Variants in SCAPER observed in about 807,000 individuals in gnomAD.
SCAPER encodes S phase cyclin A-associated protein in the endoplasmic reticulum.
SCAPER carries 98 observed loss-of-function variants against 182.2 expected under a neutral mutation model. That is an observed-to-expected ratio of 0.54 (90% CI 0.46 to 0.64). The LOEUF is 0.64. SCAPER is among the 30% of genes least tolerant of loss of function. SCAPER has a pLI of 0.00. For missense variants in SCAPER, 1,432 were observed against 1,690.0 expected (o/e 0.85, Z 2.68); for synonymous variants, 605 against 564.6 (o/e 1.07, Z -1.01).
intron 15 of SCAPER, among the ~76,000 whole-genome samples, chr15:76,743,297 G>A (rs1313173341): frequency 6.6e-6 from 1 of 152,046 alleles, no homozygotes; most frequent in African/African-American, 2.4e-5. Flanking sequence ...AACTGAAAAT[G>A]GTGACAACTG....
At chr15:76,415,783 A>G (rs1372222255) in intron 26 of SCAPER, among the ~76,000 whole-genome samples, 1 of 152,168 alleles carries the variant, frequency 6.6e-6, no homozygotes, top group Non-Finnish European at 1.5e-5. Flanking sequence ...AGTAAGGGGA[A>G]AAGATAGGGA....
chr15:76,567,272 T>C, intron 23 of SCAPER: 1 of 448,078 alleles, frequency 2.2e-6, no homozygotes, highest in South Asian at 1.6e-5. Flanking sequence ...GAACATACCA[T>C]AATTTGTATC....
chr15:76,373,414 A>G (rs1233462399), intron 29 of SCAPER, among the ~76,000 whole-genome samples: 1 of 152,172 alleles, frequency 6.6e-6, no homozygotes, highest in Admixed American at 6.5e-5. Flanking sequence ...AAAGCAATTT[A>G]ATAGGTTGAA....
chr15:76,900,101 G>A (rs1158019848), intron 1 of SCAPER, among the ~76,000 whole-genome samples: 4 of 152,082 alleles, frequency 2.6e-5, no homozygotes, highest in Non-Finnish European at 4.4e-5. Context: ...GATTAAGGGC[G>A]GCGCAAGATG....
At chr15:76,863,907 T>G (rs559776021) in intron 2 of SCAPER, among the ~76,000 whole-genome samples, 1 of 152,164 alleles carries the variant, frequency 6.6e-6, no homozygotes, top group East Asian at 1.9e-4. Flanking sequence ...AAGCCACAAG[T>G]AGAGAGACCA....
At chr15:76,723,044 C>T (rs1368723981) in intron 17 of SCAPER, among the ~76,000 whole-genome samples, 1 of 151,966 alleles carries the variant, frequency 6.6e-6, no homozygotes, top group African/African-American at 2.4e-5. Context: ...TAGATCTTTC[C>T]TGCTTTCTCT....
chr15:76,662,501 C>T (rs58265327), intron 21 of SCAPER, among the ~76,000 whole-genome samples: 1 of 151,768 alleles, frequency 6.6e-6, no homozygotes, highest in Non-Finnish European at 1.5e-5. Flanking sequence ...AGACTTTCTA[C>T]AAAGCTATAG....
intron 15 of SCAPER, among the ~76,000 whole-genome samples, chr15:76,750,983 CACTT>C (rs1415320980): frequency 1.3e-5 from 2 of 151,492 alleles, no homozygotes; most frequent in Non-Finnish European, 3.0e-5. Context: ...ATGTAGAAAA[CACTT>C]ACAGATTCCA....
chr15:76,530,427 G>A (rs1490949538), intron 23 of SCAPER, among the ~76,000 whole-genome samples: 1 of 152,146 alleles, frequency 6.6e-6, no homozygotes, highest in Non-Finnish European at 1.5e-5. Flanking sequence ...CAGTCACCCT[G>A]TAAACCATGT....
chr15:76,685,109 T>C (rs1298836551), intron 20 of SCAPER, among the ~76,000 whole-genome samples: 2 of 151,980 alleles, frequency 1.3e-5, no homozygotes, highest in Non-Finnish European at 2.9e-5. Context: ...TATGTCACTA[T>C]ACTAAAAGAT....
intron 8 of SCAPER, among the ~76,000 whole-genome samples, chr15:76,784,619 T>C (rs2064437865): frequency 6.6e-6 from 1 of 152,170 alleles, no homozygotes; most frequent in African/African-American, 2.4e-5. Context: ...GGCAACACAC[T>C]ACCTGACTTC....
At chr15:76,766,784 T>C (rs2063142882) in intron 11 of SCAPER, 134 bp downstream of exon 11, 3 of 699,798 alleles carry the variant, frequency 4.3e-6, no homozygotes, top group Non-Finnish European at 6.8e-6. Flanking sequence ...GAATAATAGT[T>C]ATGATTACTG....
intron 20 of SCAPER, among the ~76,000 whole-genome samples, chr15:76,697,708 C>G (rs2058724278): frequency 6.6e-6 from 1 of 152,104 alleles, no homozygotes; most frequent in South Asian, 2.1e-4. Context: ...GGCACAATCT[C>G]AGCTCACTGC....
chr15:76,831,245 C>A (rs2068448532), intron 5 of SCAPER, among the ~76,000 whole-genome samples: 1 of 152,106 alleles, frequency 6.6e-6, no homozygotes, highest in African/African-American at 2.4e-5. Flanking sequence ...GTCTTGCCTG[C>A]AGTACAGGGC....
At chr15:76,572,917 T>TCACACACACACA (rs1231032832) in intron 23 of SCAPER, among the ~76,000 whole-genome samples, 32 of 133,546 alleles carry the variant, frequency 2.4e-4, no homozygotes, top group African/African-American at 7.9e-4. Flanking sequence ...TCTCTCTCTC[T>TCACACACACACA]CTCACACACA....
At chr15:76,728,502 C>A (rs965336583) in intron 17 of SCAPER, 93 bp downstream of exon 17, 13 of 1,538,028 alleles carry the variant, frequency 8.5e-6, no homozygotes, top group Non-Finnish European at 1.1e-5. Context: ...AACCTCATCT[C>A]AAAAAAACTC....
At chr15:76,663,057 A>C (rs1051707765) in intron 21 of SCAPER, among the ~76,000 whole-genome samples, 4 of 152,180 alleles carry the variant, frequency 2.6e-5, no homozygotes, top group Admixed American at 6.6e-5. Context: ...ATCTCAATAC[A>C]TACATCTGTC....
chr15:76,819,477 G>T (rs1046091774), intron 5 of SCAPER, among the ~76,000 whole-genome samples: 2 of 152,194 alleles, frequency 1.3e-5, no homozygotes, highest in African/African-American at 2.4e-5. Context: ...GGCAAACAGG[G>T]TCTGGAATGG....
chr15:76,727,155 C>T (rs1363055111), intron 17 of SCAPER, among the ~76,000 whole-genome samples: 1 of 151,970 alleles, frequency 6.6e-6, no homozygotes, highest in Non-Finnish European at 1.5e-5. Context: ...GTAGCATGCT[C>T]ATAAATTAAA....
Sources: allele counts gnomAD v4.1 joint callset (sites outside exome capture counted in the v4.1 genomes callset), GRCh38; gene constraint gnomAD v4.1.1; transcripts MANE v1.5; gene names NCBI Gene and HGNC (gene_info 2026-07-23, HGNC 2026-07-21).